Variants in TEX15 observed in about 807,000 individuals in gnomAD.
TEX15 encodes testis-expressed protein 15.
In TEX15, 171 loss-of-function variants were observed where a neutral mutation model predicts 237.3. That is an observed-to-expected ratio of 0.72 (90% CI 0.64 to 0.82). The LOEUF is 0.82. Ranked by LOEUF, TEX15 falls within the 40% of genes least tolerant of loss-of-function variation. TEX15 has a pLI of 0.00. For missense variants in TEX15, 3,750 were observed against 3,646.5 expected, an observed-to-expected ratio of 1.03 and a Z score of -0.73; for synonymous variants, 1,338 against 1,269.8, an observed-to-expected ratio of 1.05 and a Z score of -1.14.
At chr8:30,841,525 G>A (rs1272611104) in intron 8 of TEX15, among the ~76,000 whole-genome samples, 1 of 152,194 alleles carries the variant, frequency 6.6e-6, no homozygotes, top group Non-Finnish European at 1.5e-5. Context: ...ATTTAATATA[G>A]GACTTTTAAC....
Position 30,846,344 on chromosome 8 carries a change from T to A in TEX15, c.3823A>T (p.Ser1275Cys), listed in dbSNP as rs772868403. Reference sequence around the variant, plus strand: ...TTTGATTTTGTAAAGAAACATCTGCTTCCATCATCTATTGTTGTGACATTA... The same window carrying A: ...TTTGATTTTGTAAAGAAACATCTGCATCCATCATCTATTGTTGTGACATTA... Reference protein sequence around the residue: ...PSNVTTIDDGSRCFFTKSKTD... With the variant: ...PSNVTTIDDGCRCFFTKSKTD... Residue 1275 changes from serine (S) to cysteine (C), a missense_variant, in exon 8 of 11, where the codon AGC becomes TGC. Coordinates refer to ENST00000643185, the MANE Select transcript of TEX15 (RefSeq NM_001350162.2). 1 of 1,613,042 alleles carries A rather than the reference T, an allele frequency of 6.2e-7. No individual in the cohort carries two copies. The highest frequency in any genetic ancestry group is 8.5e-7 in the Non-Finnish European group (1 of 1,179,648).
In TEX15 at chr8:30,844,602, A is replaced by G; in HGVS notation, c.5565T>C (p.Asp1855=). ...CAGTCATGCTTCTTTTGTAAACAGA[A>G]TCTTTTGCTTTTTCCGCTTGTTTAA... is the stretch of plus-strand genomic sequence containing the variant. ...WKVKQAEKAK[D]SVYKRSMTEG... Residue 1855 remains aspartate (D), a synonymous_variant, in exon 8 of 11, where the codon GAT becomes GAC. Coordinates refer to ENST00000643185, the MANE Select transcript of TEX15 (RefSeq NM_001350162.2). 1 of 1,613,282 alleles carries G rather than the reference A, an allele frequency of 6.2e-7. No individual in the cohort carries two copies. The highest frequency in any genetic ancestry group is 8.5e-7 in the Non-Finnish European group (1 of 1,179,564).
chr8:30,900,260 G>A (rs1808983196), intron 1 of TEX15, among the ~76,000 whole-genome samples: 1 of 152,104 alleles, frequency 6.6e-6, no homozygotes, highest in Non-Finnish European at 1.5e-5. Context: ...AGAATAAAAA[G>A]AAATAATCAG....
intron 1 of TEX15, among the ~76,000 whole-genome samples, chr8:30,905,343 G>C (rs988255968): frequency 1.3e-5 from 2 of 151,408 alleles, no homozygotes; most frequent in African/African-American, 4.9e-5. Flanking sequence ...ACTGGTCATA[G>C]CATTCTAGGC....
chr8:30,881,868 C>A (rs1808534673), intron 3 of TEX15, among the ~76,000 whole-genome samples: 1 of 152,078 alleles, frequency 6.6e-6, no homozygotes, highest in Non-Finnish European at 1.5e-5. Flanking sequence ...GGCAATCCAC[C>A]TGCCTCGGCC....
At chr8:30,834,884 G>C (rs1450249796) in intron 10 of TEX15, among the ~76,000 whole-genome samples, 1 of 152,150 alleles carries the variant, frequency 6.6e-6, no homozygotes, top group Non-Finnish European at 1.5e-5. Flanking sequence ...ATGTCAATAG[G>C]CTGCTTCTTG....
intron 3 of TEX15, among the ~76,000 whole-genome samples, chr8:30,882,435 C>T (rs970818063): frequency 1.2e-4 from 18 of 152,090 alleles, no homozygotes; most frequent in East Asian, 7.7e-4. Flanking sequence ...TACAGGCGGC[C>T]GCCACCATGC....
chr8:30,841,864 A>G (rs1296915344), intron 8 of TEX15, 140 bp downstream of exon 8: 1 of 549,498 alleles, frequency 1.8e-6, no homozygotes, highest in Non-Finnish European at 3.1e-6. Flanking sequence ...GTTTAAATCA[A>G]TATTATAGTT....
intron 7 of TEX15, among the ~76,000 whole-genome samples, chr8:30,854,898 A>G (rs1294739016): frequency 6.6e-6 from 1 of 152,166 alleles, no homozygotes; most frequent in African/African-American, 2.4e-5. Context: ...CCATCTCAAC[A>G]AAGAAAAAAC....
Position 30,844,927 on chromosome 8 carries a change from G to T in TEX15, c.5240C>A (p.Ser1747Tyr), listed in dbSNP as rs755664225. ...LDKQRILTVD[S>Y]FAASSTVPHC... ...TGGTACAGTACTGGATGCTGCAAAA[G>T]AATCTACAGTAAGAATTCTCTGCTT... The change falls in exon 8 of 11, where the codon TCT (serine) becomes TAT (tyrosine). Residue 1747 changes from serine to tyrosine, a missense_variant. Transcript: ENST00000643185. 4.3e-6 allele frequency: 7 copies of T among 1,613,446 alleles called. No homozygotes were observed. The highest frequency in any genetic ancestry group is 4.5e-5 in the East Asian group (2 of 44,874).
chr8:30,908,361 C>T (rs1350266641), intron 1 of TEX15, among the ~76,000 whole-genome samples: 1 of 152,174 alleles, frequency 6.6e-6, no homozygotes, highest in African/African-American at 2.4e-5. Context: ...TGCTGGCATG[C>T]TTTCTCCCTT....
intron 2 of TEX15, among the ~76,000 whole-genome samples, 181 bp downstream of exon 2, chr8:30,898,561 A>T (rs1808949987): frequency 6.6e-6 from 1 of 152,200 alleles, no homozygotes; most frequent in Non-Finnish European, 1.5e-5. Flanking sequence ...ACAGTACCCA[A>T]TAACTATTAT....
At chr8:30,861,428 T>G (rs1808049046) in intron 5 of TEX15, among the ~76,000 whole-genome samples, 1 of 152,204 alleles carries the variant, frequency 6.6e-6, no homozygotes, top group African/African-American at 2.4e-5. Flanking sequence ...GACGGTATTT[T>G]ATTACTGTTA....
intron 4 of TEX15, among the ~76,000 whole-genome samples, chr8:30,867,727 CA>C (rs1808204186): frequency 6.6e-6 from 1 of 152,064 alleles, no homozygotes; most frequent in Admixed American, 6.6e-5. Flanking sequence ...TCTAAAATAA[CA>C]GGGGCTAACA....
intron 1 of TEX15, among the ~76,000 whole-genome samples, chr8:30,903,151 T>G (rs1285072455): frequency 2.0e-5 from 3 of 152,250 alleles, no homozygotes; most frequent in Non-Finnish European, 4.4e-5. Flanking sequence ...TAATCTTGTT[T>G]TAATGACCTA....
At chr8:30,890,740 A>T (rs923711723) in intron 2 of TEX15, 2 of 152,186 alleles carry the variant, frequency 1.3e-5, no homozygotes, top group Non-Finnish European at 1.5e-5. Flanking sequence ...TTTTGCTTAA[A>T]AGAAAATATT....
chr8:30,840,495 C>A (rs1308456956), intron 8 of TEX15, among the ~76,000 whole-genome samples: 3 of 152,120 alleles, frequency 2.0e-5, no homozygotes, highest in Non-Finnish European at 4.4e-5. Flanking sequence ...CACACCTGGC[C>A]CTTAAAACTA....
chr8:30,879,440 G>A (rs1179457435), intron 3 of TEX15, among the ~76,000 whole-genome samples: 2 of 152,080 alleles, frequency 1.3e-5, no homozygotes, highest in Non-Finnish European at 2.9e-5. Flanking sequence ...AGGTTCATTC[G>A]GAATTATTTT....
intron 3 of TEX15, among the ~76,000 whole-genome samples, chr8:30,882,546 A>T (rs1341818885): frequency 6.6e-6 from 1 of 152,030 alleles, no homozygotes; most frequent in African/African-American, 2.4e-5. Context: ...TCAGCCTCCC[A>T]AAGTGCTGGG....
Sources: allele counts gnomAD v4.1 joint callset (sites outside exome capture counted in the v4.1 genomes callset), GRCh38; gene constraint gnomAD v4.1.1; transcripts MANE v1.5; gene names NCBI Gene and HGNC (gene_info 2026-07-23, HGNC 2026-07-21).